Variants in PLEKHA8 observed in about 807,000 individuals in gnomAD.
PLEKHA8 encodes the protein pleckstrin homology domain containing A8.
In PLEKHA8, 36 loss-of-function variants were observed where a neutral mutation model predicts 68.2. That is an observed-to-expected ratio of 0.53 (90% CI 0.40 to 0.70). The LOEUF is 0.70. Among genes scored for constraint, PLEKHA8 ranks in the 30% least tolerant of loss-of-function variants. The pLI, the probability that PLEKHA8 is intolerant of heterozygous loss-of-function variation, is 0.00. For synonymous variants in PLEKHA8, 211 were observed against 216.1 expected (o/e 0.98, Z 0.20); for missense variants, 505 against 615.4 (o/e 0.82, Z 1.90).
At chr7:30,129,515 T>A, downstream of PLEKHA8, 4 of 603,088 alleles carry the variant, frequency 6.6e-6, no homozygotes. Flanking sequence ...CAATTTCTAA[T>A]TGATACACCT....
At chr7:30,109,386 C>T (rs113263999) in intron 13 of PLEKHA8, among the ~76,000 whole-genome samples, 11 of 151,864 alleles carry the variant, frequency 7.2e-5, no homozygotes, top group Non-Finnish European at 1.3e-4. Flanking sequence ...CAGGAGTTCG[C>T]GACTAGCCTG....
At chr7:30,069,581 T>C (rs1346079385) in intron 12 of PLEKHA8, 1 of 152,226 alleles carries the variant, frequency 6.6e-6, no homozygotes, top group Non-Finnish European at 1.5e-5. Flanking sequence ...GAGTTACTAA[T>C]AGTAAATGAA....
At chr7:30,045,548 C>T (rs1050122156) in intron 2 of PLEKHA8, among the ~76,000 whole-genome samples, 5 of 152,192 alleles carry the variant, frequency 3.3e-5, no homozygotes, top group African/African-American at 1.2e-4. Context: ...AGGATGGACA[C>T]ACACACACAC....
intron 3 of PLEKHA8, among the ~76,000 whole-genome samples, chr7:30,047,107 T>A (rs1236801301): frequency 6.6e-6 from 1 of 152,234 alleles, no homozygotes; most frequent in Non-Finnish European, 1.5e-5. Context: ...GTGGCAGTTG[T>A]GCTTAACTCT....
intron 13 of PLEKHA8, among the ~76,000 whole-genome samples, chr7:30,124,181 C>T (rs147064668): frequency 2.8e-4 from 42 of 152,138 alleles, no homozygotes; most frequent in Middle Eastern, 3.4e-3. Flanking sequence ...TTGTTTCTGA[C>T]CCCTTTTACA....
chr7:30,079,890 G>T lies in PLEKHA8; in HGVS notation c.*1103G>T. On this transcript the variant is annotated 3_prime_UTR_variant, in exon 14 of 14. Coordinates refer to ENST00000449726, the MANE Select transcript of PLEKHA8 (RefSeq NM_001197026.2). Reference sequence around the variant, plus strand: ...TACCAGTTTTCTTCAAGAACTAAATGATATGTCCTTTTTTTTTTTTTCAAA... The same window carrying T: ...TACCAGTTTTCTTCAAGAACTAAATTATATGTCCTTTTTTTTTTTTTCAAA... The T allele has an allele frequency of 1.0e-6, 1 of 973,474 alleles. No homozygotes were observed. The highest frequency in any genetic ancestry group is 1.2e-6 in the Non-Finnish European group (1 of 819,958). The allele number at this position is 973,474 out of a possible 1,614,324, so 60.3% of individuals were successfully genotyped here.
At chr7:30,103,997 T>C (rs563381072) in intron 13 of PLEKHA8, among the ~76,000 whole-genome samples, 5 of 152,192 alleles carry the variant, frequency 3.3e-5, no homozygotes, top group Admixed American at 1.3e-4. Flanking sequence ...CTCCTACAAC[T>C]CAATAATAAA....
rs1314075704 is a variant in PLEKHA8 at position 30,046,267 on chromosome 7, A to G, written c.215A>G (p.Tyr72Cys). The change falls in exon 3 of 14, where the codon TAC becomes TGC. Residue 72 changes from tyrosine (Y) to cysteine (C), a missense_variant. Coordinates refer to ENST00000449726, the MANE Select transcript of PLEKHA8 (RefSeq NM_001197026.2). ...DLIIPGEQYFYLKARSVAERQ... is the reference protein window; with the variant it reads ...DLIIPGEQYFCLKARSVAERQ... ...ATAATCCCTGGGGAACAGTATTTCT[A>G]CCTGAAGGCCAGAAGTGTGGCTGAA... 3.7e-6 allele frequency: 6 copies of G among 1,613,786 alleles called. No individual in the cohort carries two copies. The African/African-American group carries it at 5.3e-5, about 14-fold the overall frequency.
intron 13 of PLEKHA8, among the ~76,000 whole-genome samples, chr7:30,077,845 C>T (rs571105089): frequency 6.6e-6 from 1 of 152,064 alleles, no homozygotes; most frequent in South Asian, 2.1e-4. Flanking sequence ...TATTGGCCCG[C>T]AAAGGAAGAG....
Position 30,082,476 on chromosome 7 carries a change from C to T in PLEKHA8, c.*3689C>T, listed in dbSNP as rs368840568. 1.0e-6 allele frequency: 1 copy of T among 985,334 alleles called. No homozygotes were observed. The highest frequency in any genetic ancestry group is 1.7e-5 in the African/African-American group (1 of 57,304). The allele number at this position is 985,334 out of a possible 1,614,324, so 61.0% of individuals were successfully genotyped here. On this transcript the variant is annotated 3_prime_UTR_variant, in exon 14 of 14. Coordinates refer to ENST00000449726, the MANE Select transcript of PLEKHA8 (RefSeq NM_001197026.2). ...ACTGCAAGAGCTTCTTAAGAAGGAG[C>T]CCATATTCCCATTTGTAGCTGGAAA... is the stretch of plus-strand genomic sequence containing the variant.
In PLEKHA8 at chr7:30,126,733, G is replaced by A. The variant is rs143336969; in HGVS notation, c.1363-2533G>A. 6.2e-3 allele frequency among the ~76,000 whole-genome samples: 944 copies of A among 152,300 alleles called. 6 individuals are homozygous for A. The highest frequency in any genetic ancestry group is 0.017 in the African/African-American group (706 of 41,554). On this transcript the variant is annotated intron_variant, in intron 13 of 13. Coordinates refer to the PLEKHA8 transcript ENST00000396257. The stretch of plus-strand genomic sequence containing the variant: ...AATCATGGTGGAAGGTGAAAGGCAC[G>A]TCTCACATGGCAGCAGGCTAGAGAG...
chr7:30,118,537 T>G (rs1033531169), intron 13 of PLEKHA8, among the ~76,000 whole-genome samples: 1 of 152,170 alleles, frequency 6.6e-6, no homozygotes, highest in East Asian at 1.9e-4. Flanking sequence ...CATGGCTGCT[T>G]CTTACTGCAT....
downstream of PLEKHA8, among the ~76,000 whole-genome samples, chr7:30,094,793 G>A (rs553717079): frequency 1.3e-4 from 20 of 149,912 alleles, no homozygotes; most frequent in South Asian, 4.2e-4. Context: ...TTTTGTCCTC[G>A]TGATAATTTG....
At chr7:30,085,121 T>C (rs1049020340), downstream of PLEKHA8, among the ~76,000 whole-genome samples, 16 of 152,008 alleles carry the variant, frequency 1.1e-4, no homozygotes, top group African/African-American at 3.6e-4. Flanking sequence ...TTAATTTTAG[T>C]AGAAATGGGG....
chr7:30,085,364 A>G (rs761763183), downstream of PLEKHA8, among the ~76,000 whole-genome samples: 13 of 152,230 alleles, frequency 8.5e-5, no homozygotes, highest in Non-Finnish European at 1.6e-4. Flanking sequence ...CGCTCCTTTC[A>G]GAGGTAGCTA....
chr7:30,122,642 A>C (rs1044589151), intron 13 of PLEKHA8, among the ~76,000 whole-genome samples: 18 of 152,164 alleles, frequency 1.2e-4, no homozygotes, highest in African/African-American at 4.3e-4. Context: ...TCTCCTGTCC[A>C]TGAAGGGACT....
chr7:30,122,788 G>A (rs1036974739), intron 13 of PLEKHA8, among the ~76,000 whole-genome samples: 6 of 152,076 alleles, frequency 3.9e-5, no homozygotes, highest in African/African-American at 1.2e-4. Flanking sequence ...CATGCCAGGA[G>A]AAGCAGGAAA....
At chr7:30,108,080 A>C (rs903198565) in intron 13 of PLEKHA8, among the ~76,000 whole-genome samples, 3 of 151,064 alleles carry the variant, frequency 2.0e-5, no homozygotes, top group Non-Finnish European at 4.4e-5. Flanking sequence ...AAAAAAAAAA[A>C]AAAAAAAAAA....
intron 13 of PLEKHA8, among the ~76,000 whole-genome samples, chr7:30,116,298 A>G (rs569969273): frequency 2.3e-4 from 35 of 151,796 alleles, no homozygotes; most frequent in Non-Finnish European, 4.1e-4. Context: ...ATGTATTCAT[A>G]CATGTATACA....
Sources: gnomAD v4.1 joint callset for allele counts (sites outside exome capture counted in the v4.1 genomes callset) on GRCh38, gnomAD v4.1.1 for gene constraint, MANE v1.5 for transcripts, NCBI Gene and HGNC (gene_info 2026-07-23, HGNC 2026-07-21) for gene names.